Variants in GPRC6A observed in about 807,000 individuals in gnomAD.
The protein encoded by GPRC6A is G protein-coupled receptor family C group 6 member A.
In GPRC6A, 54 loss-of-function variants were observed where a neutral mutation model predicts 47.0. The observed-to-expected ratio is 1.15, with a 90% CI of 0.92 to 1.44. The LOEUF (loss-of-function observed/expected upper bound fraction) is 1.44. GPRC6A is among the 40% of genes most tolerant of loss of function. The probability of loss-of-function intolerance (pLI) is 0.00; values close to 1 mark genes in which losing one functional copy is unlikely to be tolerated. For missense variants in GPRC6A, 1,112 were observed against 1,105.5 expected (o/e 1.01, Z -0.08); for synonymous variants, 347 against 377.1 (o/e 0.92, Z 0.93).
chr6:116,812,967 GACAA>G (rs1168880716), intron 1 of GPRC6A, among the ~76,000 whole-genome samples: 3 of 152,054 alleles, frequency 2.0e-5, no homozygotes, highest in African/African-American at 4.8e-5. Flanking sequence ...ACCAATAACA[GACAA>G]ACAGAGAGAC....
At chr6:116,816,404 A>G (rs1302918450) in intron 1 of GPRC6A, among the ~76,000 whole-genome samples, 1 of 152,210 alleles carries the variant, frequency 6.6e-6, no homozygotes, top group East Asian at 1.9e-4. Flanking sequence ...TAAAGCTCCA[A>G]AATAATCTCT....
chr6:116,812,476 T>C (rs1484670452), intron 1 of GPRC6A, among the ~76,000 whole-genome samples: 1 of 152,136 alleles, frequency 6.6e-6, no homozygotes, highest in Non-Finnish European at 1.5e-5. Context: ...CTACTGTAGA[T>C]ATTCATCTAC....
At position 116,792,978 on chromosome 6, in the gene GPRC6A, A is replaced by C. The variant is rs1772362546; in HGVS notation, c.1945T>G (p.Phe649Val). The C allele has an allele frequency of 1.2e-6, 2 of 1,614,106 alleles. No homozygotes were observed. Among genetic ancestry groups the C allele is most frequent in the African/African-American group, 2.7e-5 (2 of 75,052 alleles). ...AAGTCTTGTGGTTCTCCAATGAAAA[A>C]GCTCGTGCTGGCAAAATTGAGGAAA... Reference protein sequence around the residue: ...CHFLNFASTSFFIGEPQDFTC... With the variant: ...CHFLNFASTSVFIGEPQDFTC... The change falls in exon 6 of 6, where the codon TTT (phenylalanine) becomes GTT (valine). Residue 649 changes from phenylalanine (F) to valine (V), a missense_variant. Physicochemically the swap from Phe to Val is conservative, Grantham distance 50. Transcript: ENST00000310357.
rs1290095765 is a variant in GPRC6A at position 116,814,812 on chromosome 6, A to G, written c.195-5195T>C. Among the ~76,000 whole-genome samples, 8 of 152,172 alleles carry G rather than the reference A, an allele frequency of 5.3e-5. No individual in the cohort carries two copies. In the East Asian group the frequency reaches 1.5e-3, roughly 29 times the overall value. On this transcript the variant is annotated intron_variant, in intron 1 of 5. Coordinates refer to ENST00000310357, the MANE Select transcript of GPRC6A (RefSeq NM_148963.4). The stretch of plus-strand genomic sequence containing the variant: ...GTATAAATAAAAAAAGCATGATCCA[A>G]TTATATGCAACTTACAAGAAATGCA...
At chr6:116,827,966 T>C (rs369510203) in intron 1 of GPRC6A, among the ~76,000 whole-genome samples, 25 of 152,056 alleles carry the variant, frequency 1.6e-4, no homozygotes, top group African/African-American at 6.0e-4. Context: ...AACATAAAAA[T>C]AGAATGAGAA....
At chr6:116,828,396 A>G (rs187537953) in intron 1 of GPRC6A, among the ~76,000 whole-genome samples, 1 of 152,134 alleles carries the variant, frequency 6.6e-6, no homozygotes, top group East Asian at 1.9e-4. Context: ...TTGAAAAAAA[A>G]TGTTAGTAAG....
chr6:116,825,369 A>G (rs541001038), intron 1 of GPRC6A, among the ~76,000 whole-genome samples: 1 of 152,214 alleles, frequency 6.6e-6, no homozygotes, highest in South Asian at 2.1e-4. Flanking sequence ...CTTAGAGCTT[A>G]TAAACAAATT....
chr6:116,829,116 T>G (rs957020696), upstream of GPRC6A: 40 of 1,362,738 alleles, frequency 2.9e-5, no homozygotes, highest in African/African-American at 5.2e-4. Flanking sequence ...TTATAAGGTA[T>G]AGGACAGTGT....
In GPRC6A at chr6:116,828,894, A is replaced by C. The variant is rs41291914; in HGVS notation, c.120T>G (p.Gly40=). ...ACATTTTTTCATGAATAGCAAACAA[A>C]CCTCCAATTATGATATGTCCCGGAG... The part of the protein sequence containing the change: ...ATSPGHIIIG[G]LFAIHEKMLS... Residue 40 remains glycine, a synonymous_variant, in exon 1 of 6, where the codon GGT becomes GGG. Transcript: ENST00000310357. The C allele has an allele frequency of 0.014, 22,066 of 1,613,218 alleles. 193 individuals carry two copies. The highest frequency in any genetic ancestry group is 0.016 in the Non-Finnish European group (18,850 of 1,179,510).
intron 1 of GPRC6A, among the ~76,000 whole-genome samples, chr6:116,813,552 C>A (rs1174950096): frequency 6.6e-6 from 1 of 152,082 alleles, no homozygotes; most frequent in Non-Finnish European, 1.5e-5. Flanking sequence ...GCTGGCTAGC[C>A]ATATGCAGAA....
At position 116,792,126 on chromosome 6, in the gene GPRC6A, A is replaced by G; in HGVS notation, c.*16T>C. ...GAAACATTTTATTCTGGAATGTGGC[A>G]TCTCCTAAGGCTTATTCATATACTT... On this transcript the variant is annotated 3_prime_UTR_variant, in exon 6 of 6. Coordinates refer to ENST00000310357, the MANE Select transcript of GPRC6A (RefSeq NM_148963.4). 6.3e-7 allele frequency: 1 copy of G among 1,579,904 alleles called. No homozygotes were observed. Among genetic ancestry groups the G allele is most frequent in the Middle Eastern group, 1.7e-4 (1 of 5,908 alleles).
chr6:116,801,672 A>T (rs998752000), intron 3 of GPRC6A, among the ~76,000 whole-genome samples: 3 of 152,182 alleles, frequency 2.0e-5, no homozygotes, highest in Non-Finnish European at 4.4e-5. Flanking sequence ...TGTCAATAGA[A>T]TATAAAAAAT....
chr6:116,813,751 G>A (rs2114606455), intron 1 of GPRC6A, among the ~76,000 whole-genome samples: 1 of 152,242 alleles, frequency 6.6e-6, no homozygotes, highest in East Asian at 1.9e-4. Flanking sequence ...AGCCAAAATA[G>A]ACAAATGGGA....
Position 116,806,882 on chromosome 6 carries a change from C to T in GPRC6A, c.823G>A (p.Val275Met), listed in dbSNP as rs1342571822. Residue 275 changes from valine (V) to methionine (M), a missense_variant, in exon 3 of 6, where the codon GTG (valine) becomes ATG (methionine). Coordinates refer to ENST00000310357, the MANE Select transcript of GPRC6A (RefSeq NM_148963.4). ...ACATGGAATTGCCTCAGAAATACCA[C>T]AATGACATTAACCTGGGCTTCTAAA... ...IILEAQVNVI[V>M]VFLRQFHVFD... is the part of the protein sequence containing the mutation. 7 of 1,613,520 alleles carry T rather than the reference C, an allele frequency of 4.3e-6. No homozygotes were observed. The highest frequency in any genetic ancestry group is 5.1e-6 in the Non-Finnish European group (6 of 1,179,662).
chr6:116,825,208 T>A (rs1030494224), intron 1 of GPRC6A, among the ~76,000 whole-genome samples: 6 of 152,032 alleles, frequency 3.9e-5, no homozygotes, highest in Non-Finnish European at 8.8e-5. Flanking sequence ...CCACTCTTAT[T>A]CAACATAGTA....
In GPRC6A at chr6:116,792,371, T is replaced by C. The variant is rs781155252; in HGVS notation, c.2552A>G (p.Lys851Arg). 6.2e-7 allele frequency: 1 copy of C among 1,613,926 alleles called. No homozygotes were observed. The highest frequency in any genetic ancestry group is 1.3e-5 in the African/African-American group (1 of 74,920). The part of the protein sequence containing the change: ...QEINTKSAFL[K>R]MIYSYSSHSV... ...ATGGGAAGAATAACTGTAGATCATC[T>C]TGAGAAAGGCAGACTTTGTGTTAAT... Residue 851 changes from lysine to arginine, a missense_variant, in exon 6 of 6, where the codon AAG becomes AGG. Transcript: ENST00000310357.
At chr6:116,797,969 G>T (rs904873047) in intron 4 of GPRC6A, among the ~76,000 whole-genome samples, 2 of 152,136 alleles carry the variant, frequency 1.3e-5, no homozygotes, top group Non-Finnish European at 2.9e-5. Flanking sequence ...TAAGGAAAAT[G>T]GTTTACAGCA....
chr6:116,798,775 C>T lies in GPRC6A; in HGVS notation c.1548+1809G>A, dbSNP rs567278073. 2.1e-3 allele frequency among the ~76,000 whole-genome samples: 320 copies of T among 151,168 alleles called. 1 individual carries two copies. Among genetic ancestry groups the T allele is most frequent in the Non-Finnish European group, 2.7e-3 (184 of 67,848 alleles). On this transcript the variant is annotated intron_variant, in intron 4 of 5. Coordinates refer to ENST00000310357, the MANE Select transcript of GPRC6A (RefSeq NM_148963.4). Reference sequence around the variant, plus strand: ...GTACACACCTGTAATCCCAGCTACTCGGGAGGCTGAGACCAGCAAAATGCT... The same window carrying T: ...GTACACACCTGTAATCCCAGCTACTTGGGAGGCTGAGACCAGCAAAATGCT...
chr6:116,800,922 CTGGT>C (rs1401789636), intron 3 of GPRC6A, 126 bp from the exon 4 acceptor site: 1 of 644,054 alleles, frequency 1.6e-6, no homozygotes, highest in Non-Finnish European at 2.7e-6. Flanking sequence ...TTATAAATCA[CTGGT>C]TGGAGAATTC....
Sources: gnomAD v4.1 joint callset for allele counts (sites outside exome capture counted in the v4.1 genomes callset) on GRCh38, gnomAD v4.1.1 for gene constraint, MANE v1.5 for transcripts, NCBI Gene and HGNC (gene_info 2026-07-23, HGNC 2026-07-21) for gene names.